PTPRD: variants seen among roughly 807,000 people sequenced by gnomAD.
The protein encoded by PTPRD is protein tyrosine phosphatase receptor type D.
Under a neutral mutation model 214.5 loss-of-function variants are expected in PTPRD, and 34 were observed. That is an observed-to-expected ratio of 0.16 (90% confidence interval 0.12 to 0.21). The LOEUF (loss-of-function observed/expected upper bound fraction) is 0.21, where lower values mean the gene tolerates loss of function less well. Among genes scored for constraint, PTPRD ranks in the 10% least tolerant of loss-of-function variants. PTPRD has a pLI of 1.00. For synonymous variants in PTPRD, 1,128 were observed against 845.7 expected (o/e 1.33, Z -5.79); for missense variants, 2,545 against 2,398.7 (o/e 1.06, Z -1.27).
intron 10 of PTPRD, among the ~76,000 whole-genome samples, chr9:9,133,161 G>A (rs1274521406): frequency 6.6e-6 from 1 of 152,096 alleles, no homozygotes; most frequent in Non-Finnish European, 1.5e-5. Flanking sequence ...ATGAATGCAT[G>A]TTAAGTACAG....
At chr9:8,346,664 G>A in intron 39 of PTPRD, among the ~76,000 whole-genome samples, 1 of 152,146 alleles carries the variant, frequency 6.6e-6, no homozygotes, top group South Asian at 2.1e-4. Flanking sequence ...GTATTGTAGT[G>A]TTTGTCTTCA....
intron 11 of PTPRD, among the ~76,000 whole-genome samples, chr9:8,759,207 A>G (rs2094239017): frequency 6.6e-6 from 1 of 151,788 alleles, no homozygotes; most frequent in Admixed American, 6.6e-5. Flanking sequence ...TTTTTTGTAG[A>G]GATAAGGTTT....
intron 11 of PTPRD, among the ~76,000 whole-genome samples, chr9:8,998,594 C>A (rs918203534): frequency 6.6e-6 from 1 of 152,014 alleles, no homozygotes; most frequent in Non-Finnish European, 1.5e-5. Flanking sequence ...TGTTTTCATG[C>A]CTGCTAATAC....
At chr9:8,404,249 G>A (rs1320726102) in intron 36 of PTPRD, among the ~76,000 whole-genome samples, 1 of 151,942 alleles carries the variant, frequency 6.6e-6, no homozygotes, top group Admixed American at 6.6e-5. Flanking sequence ...CTGCCTCAGC[G>A]TCCTGAGTAG....
intron 2 of PTPRD, among the ~76,000 whole-genome samples, chr9:10,529,409 GT>G (rs1028244161): frequency 6.6e-6 from 1 of 152,230 alleles, no homozygotes; most frequent in African/African-American, 2.4e-5. Flanking sequence ...ATGAGTTCAT[GT>G]TTTTTGCAGG....
chr9:8,711,997 A>T (rs2098343840), intron 12 of PTPRD, among the ~76,000 whole-genome samples: 1 of 152,266 alleles, frequency 6.6e-6, no homozygotes. Context: ...GAAGTGAAGG[A>T]ACTGCTACAT....
chr9:8,822,859 C>T lies in PTPRD; in HGVS notation c.-103-88913G>A, dbSNP rs569932414. ...GTGCTGCAGTCATTTACTTAAGCTACGGCAATTTAACAGGTTAGAAAGCAG... is the reference window on the plus strand; with the variant it reads ...GTGCTGCAGTCATTTACTTAAGCTATGGCAATTTAACAGGTTAGAAAGCAG... On this transcript the variant is annotated intron_variant, in intron 11 of 45. Transcript: ENST00000381196. Among the ~76,000 whole-genome samples the T allele has an allele frequency of 8.2e-4, 124 of 152,124 alleles. 1 individual carries two copies. Among genetic ancestry groups the T allele is most frequent in the Middle Eastern group, 3.4e-3 (1 of 294 alleles).
chr9:10,564,171 CTT>C (rs71332760), intron 2 of PTPRD, among the ~76,000 whole-genome samples: 6 of 29,408 alleles, frequency 2.0e-4, no homozygotes, highest in East Asian at 2.4e-3. Context: ...CTAGGCTATT[CTT>C]TTTTTTTTTT....
chr9:9,713,041 C>A (rs997470960), intron 7 of PTPRD, among the ~76,000 whole-genome samples: 1 of 152,168 alleles, frequency 6.6e-6, no homozygotes, highest in Non-Finnish European at 1.5e-5. Flanking sequence ...CATCACTCAT[C>A]AAGTCATGCA....
chr9:10,371,040 T>C (rs938891293), intron 2 of PTPRD, among the ~76,000 whole-genome samples: 3 of 152,058 alleles, frequency 2.0e-5, no homozygotes, highest in Non-Finnish European at 2.9e-5. Flanking sequence ...AAAGTTATAA[T>C]GAAAAGCATT....
At chr9:8,963,833 C>G (rs1432019182) in intron 11 of PTPRD, among the ~76,000 whole-genome samples, 2 of 152,010 alleles carry the variant, frequency 1.3e-5, no homozygotes. Flanking sequence ...AAGCTGGTCT[C>G]AAATTCCTGG....
chr9:8,895,901 G>C lies in PTPRD; in HGVS notation c.-104+122796C>G, dbSNP rs114986518. 1.3e-3 allele frequency among the ~76,000 whole-genome samples: 191 copies of C among 152,338 alleles called. 1 individual carries two copies. The highest frequency in any genetic ancestry group is 4.3e-3 in the African/African-American group (179 of 41,578). On this transcript the variant is annotated intron_variant, in intron 11 of 45. Coordinates refer to ENST00000381196, the MANE Select transcript of PTPRD (RefSeq NM_002839.4). Reference sequence around the variant, plus strand: ...AGAGAAGTTGAGCCGAATAGCACTTGTTAATTCCGAGGTTCAGCACACTCC... The same window carrying C: ...AGAGAAGTTGAGCCGAATAGCACTTCTTAATTCCGAGGTTCAGCACACTCC...
intron 2 of PTPRD, among the ~76,000 whole-genome samples, chr9:10,456,758 A>T (rs565677298): frequency 1.5e-4 from 23 of 151,998 alleles, no homozygotes; most frequent in African/African-American, 5.1e-4. Context: ...AGTCTATTTT[A>T]TACTTCCTTA....
chr9:9,259,618 G>A (rs13288387), intron 9 of PTPRD, among the ~76,000 whole-genome samples: 15,149 of 151,912 alleles, frequency 0.1, 820 homozygotes, highest in Middle Eastern at 0.19. Context: ...GAACTCTAAA[G>A]CCCATGGGAA....
In PTPRD at chr9:8,339,015, C is replaced by T. The variant is rs773951680; in HGVS notation, c.5286G>A (p.Arg1762=). Residue 1762 remains arginine (R), a synonymous_variant, in exon 43 of 46, where the codon CGG becomes CGA. Transcript: ENST00000381196. ...CAACAAAGTACTGGTATCTTGCAGA[C>T]CGTTCTGCTGGCCAGTATTGGTGAC... ...EKCHQYWPAE[R]SARYQYFVVD... 1.4e-5 allele frequency: 23 copies of T among 1,612,174 alleles called. No individual in the cohort carries two copies. Among genetic ancestry groups the T allele is most frequent in the Non-Finnish European group, 2.0e-5 (23 of 1,178,766 alleles).
chr9:9,722,144 T>C (rs954164494), intron 7 of PTPRD, among the ~76,000 whole-genome samples: 2 of 152,082 alleles, frequency 1.3e-5, no homozygotes, highest in Admixed American at 1.3e-4. Flanking sequence ...GCAGTTTTTT[T>C]GTTAACTCAC....
At chr9:8,325,786 G>A (rs551037466) in intron 44 of PTPRD, among the ~76,000 whole-genome samples, 2 of 132,632 alleles carry the variant, frequency 1.5e-5, no homozygotes, top group Non-Finnish European at 1.5e-5. Context: ...TCCTTGAAGA[G>A]GTCCTTCACA....
chr9:10,223,029 C>A (rs1166346328), intron 3 of PTPRD, among the ~76,000 whole-genome samples: 1 of 151,962 alleles, frequency 6.6e-6, no homozygotes, highest in East Asian at 1.9e-4. Context: ...AAATTAGCAA[C>A]AATTTTAGAA....
At chr9:9,494,205 T>G (rs1258743763) in intron 8 of PTPRD, among the ~76,000 whole-genome samples, 1 of 152,236 alleles carries the variant, frequency 6.6e-6, no homozygotes, top group Non-Finnish European at 1.5e-5. Flanking sequence ...AGATGAAATC[T>G]ATTCTTGGAA....
Sources: allele counts gnomAD v4.1 joint callset (sites outside exome capture counted in the v4.1 genomes callset), GRCh38; gene constraint gnomAD v4.1.1; transcripts MANE v1.5; gene names NCBI Gene and HGNC (gene_info 2026-07-23, HGNC 2026-07-21).